The following LARP1B variants were observed in gnomAD, a reference collection of about 807,000 sequenced individuals.
LARP1B encodes the protein La ribonucleoprotein 1B.
In LARP1B, 76 loss-of-function variants were observed where a neutral mutation model predicts 114.2. The ratio of observed to expected loss-of-function variants is 0.67; its 90% confidence interval spans 0.55 to 0.81. The LOEUF (loss-of-function observed/expected upper bound fraction) is 0.81, where lower values mean the gene tolerates loss of function less well. Ranked by LOEUF, LARP1B falls within the 30% of genes least tolerant of loss-of-function variation. LARP1B has a pLI of 0.00. For missense variants in LARP1B, 1,014 were observed against 1,075.8 expected, an observed-to-expected ratio of 0.94 and a Z score of 0.80; for synonymous variants, 345 against 348.0, an observed-to-expected ratio of 0.99 and a Z score of 0.10.
chr4:128,164,866 T>C (rs766262247), intron 12 of LARP1B, among the ~76,000 whole-genome samples: 9 of 152,020 alleles, frequency 5.9e-5, no homozygotes, highest in Non-Finnish European at 1.3e-4. Flanking sequence ...CCAGTTATAG[T>C]AGAATGTATT....
intron 15 of LARP1B, among the ~76,000 whole-genome samples, chr4:128,184,157 T>C (rs756693977): frequency 6.6e-6 from 1 of 152,182 alleles, no homozygotes; most frequent in Non-Finnish European, 1.5e-5. Flanking sequence ...GAGGACTGAC[T>C]CCAATTTTCA....
intron 5 of LARP1B, among the ~76,000 whole-genome samples, chr4:128,087,390 C>T (rs1025504414): frequency 1.3e-5 from 2 of 152,070 alleles, no homozygotes; most frequent in East Asian, 3.8e-4. Flanking sequence ...TTAATATTAG[C>T]ATTCAAAAAT....
chr4:128,220,498 T>A (rs958401335), intron 7 of LARP1B: 1 of 198,456 alleles, frequency 5.0e-6, no homozygotes, highest in Non-Finnish European at 9.0e-6. Flanking sequence ...TATCATATAA[T>A]TATATCAATT....
intron 1 of LARP1B, among the ~76,000 whole-genome samples, chr4:128,073,383 T>C (rs1380136180): frequency 9.1e-6 from 1 of 109,888 alleles, no homozygotes; most frequent in Non-Finnish European, 1.7e-5. Flanking sequence ...GCCACTGCAC[T>C]CCAGCCTGGG....
At chr4:128,086,044 C>G (rs1478452806) in intron 5 of LARP1B, among the ~76,000 whole-genome samples, 2 of 136,868 alleles carry the variant, frequency 1.5e-5, no homozygotes, top group Non-Finnish European at 3.1e-5. Flanking sequence ...GACTGAGTCT[C>G]GCTCTGTCGC....
chr4:128,167,165 T>C (rs1054307700), intron 12 of LARP1B, among the ~76,000 whole-genome samples: 18 of 151,960 alleles, frequency 1.2e-4, no homozygotes, highest in African/African-American at 3.1e-4. Context: ...AATGTGGCAA[T>C]GGACATGTGA....
intron 12 of LARP1B, among the ~76,000 whole-genome samples, chr4:128,172,937 A>ATGTATG (rs1744413145): frequency 7.3e-6 from 1 of 137,000 alleles, no homozygotes; most frequent in Admixed American, 7.3e-5. Flanking sequence ...ATCCCATCCA[A>ATGTATG]TGTGTGTGTG....
chr4:128,184,169 A>G (rs530804904), intron 15 of LARP1B, among the ~76,000 whole-genome samples: 6 of 152,358 alleles, frequency 3.9e-5, no homozygotes, highest in African/African-American at 1.4e-4. Context: ...CAATTTTCAA[A>G]GGAGTTCTAC....
At chr4:128,213,031 G>A (rs1027777259), downstream of LARP1B, among the ~76,000 whole-genome samples, 6 of 139,292 alleles carry the variant, frequency 4.3e-5, no homozygotes, top group African/African-American at 8.0e-5. Context: ...CAATTCTCCC[G>A]CCTCAGCCTT....
intron 7 of LARP1B, among the ~76,000 whole-genome samples, chr4:128,096,742 A>G (rs1280440879): frequency 6.6e-6 from 1 of 151,922 alleles, no homozygotes; most frequent in African/African-American, 2.4e-5. Flanking sequence ...CTGGGACTAC[A>G]GGCGCCTGCC....
At chr4:128,204,760 T>C (rs1018842950) in intron 17 of LARP1B, among the ~76,000 whole-genome samples, 2 of 152,036 alleles carry the variant, frequency 1.3e-5, no homozygotes, top group Non-Finnish European at 2.9e-5. Context: ...GGATGGATAC[T>C]CCATTCCCAA....
chr4:128,220,981 C>T (rs1261034320), intron 7 of LARP1B, among the ~76,000 whole-genome samples: 4 of 152,138 alleles, frequency 2.6e-5, no homozygotes, highest in African/African-American at 7.2e-5. Flanking sequence ...TCTTTAACAG[C>T]GTGAAATAGA....
chr4:128,164,203 A>C (rs1739732978), intron 12 of LARP1B, among the ~76,000 whole-genome samples: 1 of 152,062 alleles, frequency 6.6e-6, no homozygotes, highest in Non-Finnish European at 1.5e-5. Flanking sequence ...AACATTAAAT[A>C]ATAATATTAT....
intron 7 of LARP1B, among the ~76,000 whole-genome samples, chr4:128,221,536 C>T (rs1760032818): frequency 6.6e-6 from 1 of 152,168 alleles, no homozygotes; most frequent in African/African-American, 2.4e-5. Context: ...ATTCTAGAAA[C>T]CAGAATCCGC....
At chr4:128,195,192 G>A (rs1753679294) in intron 15 of LARP1B, among the ~76,000 whole-genome samples, 1 of 152,130 alleles carries the variant, frequency 6.6e-6, no homozygotes, top group South Asian at 2.1e-4. Flanking sequence ...TGTTGCTAAA[G>A]TAAGTCCTAG....
intron 12 of LARP1B, among the ~76,000 whole-genome samples, chr4:128,172,022 A>C (rs1191164477): frequency 6.6e-6 from 1 of 151,086 alleles, no homozygotes; most frequent in Non-Finnish European, 1.5e-5. Flanking sequence ...TTAAATCTGT[A>C]GGTTTGACTT....
chr4:128,144,294 A>C (rs947569382), intron 11 of LARP1B, among the ~76,000 whole-genome samples: 4 of 152,024 alleles, frequency 2.6e-5, no homozygotes, highest in Admixed American at 6.6e-5. Flanking sequence ...TTTTACTATG[A>C]TGTGTCTTGG....
chr4:128,182,045 C>T (rs1748641349), intron 15 of LARP1B, among the ~76,000 whole-genome samples: 1 of 150,200 alleles, frequency 6.7e-6, no homozygotes, highest in Admixed American at 6.7e-5. Context: ...ATCTCCTGAT[C>T]TCGTGATCTG....
At chr4:128,067,391 A>G (rs374811793) in intron 1 of LARP1B, among the ~76,000 whole-genome samples, 10 of 152,306 alleles carry the variant, frequency 6.6e-5, no homozygotes, top group African/African-American at 2.2e-4. Flanking sequence ...TTTGCCAGGA[A>G]GTTTATTACT....
Sources: gnomAD v4.1 joint callset for allele counts (sites outside exome capture counted in the v4.1 genomes callset) on GRCh38, gnomAD v4.1.1 for gene constraint, MANE v1.5 for transcripts, NCBI Gene and HGNC (gene_info 2026-07-23, HGNC 2026-07-21) for gene names.